Variants in ZSWIM2 observed in about 807,000 individuals in gnomAD.
ZSWIM2 encodes the protein zinc finger SWIM-type containing 2, also known as E3 ubiquitin-protein ligase ZSWIM2.
ZSWIM2 carries 38 observed loss-of-function variants against 48.4 expected under a neutral mutation model. That is an observed-to-expected ratio of 0.79 (90% confidence interval 0.61 to 1.03). ZSWIM2 has a LOEUF of 1.03. Among genes scored for constraint, ZSWIM2 ranks in the 50% least tolerant of loss-of-function variants. The pLI is 0.00. For synonymous variants in ZSWIM2, 240 were observed against 251.3 expected, an observed-to-expected ratio of 0.96 and a Z score of 0.42; for missense variants, 776 against 730.2, an observed-to-expected ratio of 1.06 and a Z score of -0.72.
intron 2 of ZSWIM2, among the ~76,000 whole-genome samples, chr2:186,846,810 C>CATATATATATATATATATATAT (rs36111849): frequency 0.012 from 1,706 of 143,544 alleles, 14 homozygotes; most frequent in South Asian, 0.015. Context: ...CACACACACA[C>CATATATATATATATATATATAT]ATATATATAT....
At chr2:186,831,516 C>T (rs1691699186) in intron 7 of ZSWIM2, among the ~76,000 whole-genome samples, 1 of 151,820 alleles carries the variant, frequency 6.6e-6, no homozygotes, top group Non-Finnish European at 1.5e-5. Flanking sequence ...CCAGCCATCC[C>T]GTTACTGGGT....
intron 2 of ZSWIM2, among the ~76,000 whole-genome samples, chr2:186,846,804 C>CATATATATATAT (rs1482636097): frequency 2.5e-5 from 1 of 39,778 alleles, no homozygotes; most frequent in African/African-American, 1.3e-4. Context: ...TATACACACA[C>CATATATATATAT]ACACACATAT....
chr2:186,833,263 C>T (rs1216697280), intron 6 of ZSWIM2, 31 bp from the exon 7 acceptor site: 7 of 1,111,664 alleles, frequency 6.3e-6, no homozygotes, highest in Non-Finnish European at 9.0e-6. Context: ...TGTTACTTTG[C>T]AAAGTCGTGG....
At chr2:186,846,799 A>G (rs1469994212) in intron 2 of ZSWIM2, among the ~76,000 whole-genome samples, 2 of 48,934 alleles carry the variant, frequency 4.1e-5, no homozygotes, top group East Asian at 1.1e-3. Flanking sequence ...ATATATATAC[A>G]CACACACACA....
Position 186,848,900 on chromosome 2 carries a change from A to G in ZSWIM2, c.165+66T>C, listed in dbSNP as rs199953360. 2.5e-5 allele frequency: 40 copies of G among 1,593,252 alleles called. No individual in the cohort carries two copies. In the African/African-American group the frequency reaches 3.2e-4, roughly 13 times the overall value. Reference sequence around the variant, plus strand: ...GTGATGGTGGCTACGCACATTGGGTATGCCAGTGGGGGAACCTGGTGGGCG... The same window carrying G: ...GTGATGGTGGCTACGCACATTGGGTGTGCCAGTGGGGGAACCTGGTGGGCG... On this transcript the variant is annotated intron_variant, in intron 1 of 8. Coordinates refer to ENST00000295131, the MANE Select transcript of ZSWIM2 (RefSeq NM_182521.3).
At chr2:186,848,901 T>C in intron 1 of ZSWIM2, 65 bp downstream of exon 1, 1 of 1,595,236 alleles carries the variant, frequency 6.3e-7, no homozygotes, top group Non-Finnish European at 8.6e-7. Flanking sequence ...ACATTGGGTA[T>C]GCCAGTGGGG....
chr2:186,848,082 A>T (rs1692038835), intron 1 of ZSWIM2, among the ~76,000 whole-genome samples: 1 of 152,214 alleles, frequency 6.6e-6, no homozygotes, highest in African/African-American at 2.4e-5. Flanking sequence ...ATATCAACCC[A>T]TAAATTCCTC....
rs1691769112 is a variant in ZSWIM2, at chr2:186,835,018, G to A, written c.744-988C>T. Among the ~76,000 whole-genome samples, 3 of 152,034 alleles carry A rather than the reference G, an allele frequency of 2.0e-5. No homozygotes were observed. In the South Asian group the frequency reaches 6.2e-4, roughly 32 times the overall value. On this transcript the variant is annotated intron_variant, in intron 5 of 8. Transcript: ENST00000295131. ...CATGATGCCTTCTCAGACTACCTTAGCTTTCATTTACCTCTTTCTCTACAT... is the reference window on the plus strand; with the variant it reads ...CATGATGCCTTCTCAGACTACCTTAACTTTCATTTACCTCTTTCTCTACAT...
Position 186,833,985 on chromosome 2 carries a change from A to G in ZSWIM2, c.789T>C (p.Asp263=). 1 of 1,613,426 alleles carries G rather than the reference A, an allele frequency of 6.2e-7. No individual in the cohort carries two copies. The highest frequency in any genetic ancestry group is 8.5e-7 in the Non-Finnish European group (1 of 1,179,622). ...ACGTGTGGGAAAGATGGCAGCAGCTATCAAAACATTCCTGGCATAAGTGAT... is the reference window on the plus strand; with the variant it reads ...ACGTGTGGGAAAGATGGCAGCAGCTGTCAAAACATTCCTGGCATAAGTGAT... ...IEYHLCQECF[D]SCCHLSHTFT... Residue 263 remains aspartate, a synonymous_variant, in exon 6 of 9, where the codon GAT becomes GAC. Transcript: ENST00000295131.
intron 2 of ZSWIM2, 105 bp from the exon 3 acceptor site, chr2:186,844,862 T>C: frequency 1.0e-6 from 1 of 996,348 alleles, no homozygotes; most frequent in Non-Finnish European, 1.4e-6. Context: ...AGATTTATAT[T>C]ATGGAAAGTG....
At position 186,828,379 on chromosome 2, in the gene ZSWIM2, C is replaced by A. The variant is rs766394609; in HGVS notation, c.1507G>T (p.Val503Leu). Reference sequence around the variant, plus strand: ...TGAGATGGTATTTTCCCAAATGACACAGTGGGTAAATCTTGAAGATACCTG... The same window carrying A: ...TGAGATGGTATTTTCCCAAATGACAAAGTGGGTAAATCTTGAAGATACCTG... Reference protein sequence around the residue: ...FPRYLQDLPTVSFGKIPSQTL... With the variant: ...FPRYLQDLPTLSFGKIPSQTL... The change falls in exon 9 of 9, where the codon GTG (valine) becomes TTG (leucine). Residue 503 changes from valine (V) to leucine (L), a missense_variant. Physicochemically the swap from Val to Leu is conservative, Grantham distance 32. Coordinates refer to ENST00000295131, the MANE Select transcript of ZSWIM2 (RefSeq NM_182521.3). 2 of 1,613,692 alleles carry A rather than the reference C, an allele frequency of 1.2e-6. No individual in the cohort carries two copies. Among genetic ancestry groups the A allele is most frequent in the Non-Finnish European group, 1.7e-6 (2 of 1,179,802 alleles).
chr2:186,835,225 T>C (rs1691773256), intron 5 of ZSWIM2, among the ~76,000 whole-genome samples: 1 of 152,064 alleles, frequency 6.6e-6, no homozygotes, highest in Non-Finnish European at 1.5e-5. Context: ...TAAAAACTAT[T>C]GACAAGTCAA....
rs1045302282 is a variant in ZSWIM2, at chr2:186,828,749, G to T, written c.1137C>A (p.Cys379Ter). Residue 379 changes from cysteine to a stop codon, truncating the protein, a stop_gained, in exon 9 of 9, where the codon TGC becomes TGA. Transcript: ENST00000295131. LOFTEE classifies it low-confidence loss of function (END_TRUNC). ...CTTGTCCATCAATAGGGCATGAATT[G>T]CACTTGTGGAATAACCAGTTGTCAA... ...KCIDNWLFHK[C>*]NSCPIDGQVI... is the part of the protein sequence containing the mutation. 6.3e-7 allele frequency: 1 copy of T among 1,596,510 alleles called. No homozygotes were observed. Among genetic ancestry groups the T allele is most frequent in the Admixed American group, 1.8e-5 (1 of 56,840 alleles).
chr2:186,834,735 ACAACGTAG>A (rs1401393798), intron 5 of ZSWIM2, among the ~76,000 whole-genome samples: 1 of 152,066 alleles, frequency 6.6e-6, no homozygotes, highest in Non-Finnish European at 1.5e-5. Context: ...TTCAAAACAA[ACAACGTAG>A]CATCTCTCTG....
At position 186,827,846 on chromosome 2, in the gene ZSWIM2, T is replaced by G; in HGVS notation, c.*138A>C. ...ATAGAATCATTTCCTTTAAGTGTAG[T>G]GAGCTGTTTATAGGTAAGTAGGCAA... On this transcript the variant is annotated 3_prime_UTR_variant, in exon 9 of 9. Transcript: ENST00000295131. The G allele has an allele frequency of 3.4e-6, 2 of 588,754 alleles. No individual in the cohort carries two copies. The highest frequency in any genetic ancestry group is 2.8e-6 in the Non-Finnish European group (1 of 355,032). 36.5% of individuals were successfully genotyped at this position (588,754 alleles called of 1,614,324 possible). A position where few individuals can be genotyped will look rare whatever the true frequency, so the allele number is the denominator to read the frequency against.
At chr2:186,840,936 G>A (rs1691891902) in intron 3 of ZSWIM2, among the ~76,000 whole-genome samples, 1 of 151,330 alleles carries the variant, frequency 6.6e-6, no homozygotes, top group Non-Finnish European at 1.5e-5. Context: ...CTAATAAATA[G>A]CCAAAATACA....
chr2:186,833,921 AT>A, intron 6 of ZSWIM2, 24 bp downstream of exon 6: 1 of 1,569,716 alleles, frequency 6.4e-7, no homozygotes, highest in South Asian at 1.1e-5. Flanking sequence ...GAAACACTGT[AT>A]TAGATTCAAG....
chr2:186,831,944 C>T (rs1388353312), intron 7 of ZSWIM2, among the ~76,000 whole-genome samples: 1 of 151,948 alleles, frequency 6.6e-6, no homozygotes, highest in Non-Finnish European at 1.5e-5. Flanking sequence ...TTAATGGGTG[C>T]AGCACACCAA....
chr2:186,831,361 G>A (rs946307439), intron 7 of ZSWIM2, among the ~76,000 whole-genome samples: 2 of 151,208 alleles, frequency 1.3e-5, no homozygotes, highest in East Asian at 3.9e-4. Flanking sequence ...ATACGTGTGT[G>A]GGGGTACAGG....
Sources: gnomAD v4.1 joint callset for allele counts (sites outside exome capture counted in the v4.1 genomes callset) on GRCh38, gnomAD v4.1.1 for gene constraint, MANE v1.5 for transcripts, NCBI Gene and HGNC (gene_info 2026-07-23, HGNC 2026-07-21) for gene names.